RABGGTA: variants seen among roughly 807,000 people sequenced by gnomAD.
RABGGTA encodes the protein Rab geranylgeranyltransferase subunit alpha.
Under a neutral mutation model 83.3 loss-of-function variants are expected in RABGGTA, and 69 were observed. The ratio of observed to expected loss-of-function variants is 0.83; its 90% confidence interval spans 0.68 to 1.01. The LOEUF (loss-of-function observed/expected upper bound fraction) is 1.01, where lower values mean the gene tolerates loss of function less well. Among genes scored for constraint, RABGGTA ranks in the 50% least tolerant of loss-of-function variants. The probability of loss-of-function intolerance (pLI) is 0.00; values close to 1 mark genes in which losing one functional copy is unlikely to be tolerated. For missense variants in RABGGTA, 681 were observed against 712.7 expected, an observed-to-expected ratio of 0.96 and a Z score of 0.51; for synonymous variants, 310 against 299.8, an observed-to-expected ratio of 1.03 and a Z score of -0.35.
At chr14:24,266,302 TCA>T (rs1463817432) in intron 16 of RABGGTA, 126 bp downstream of exon 16, 1 of 833,874 alleles carries the variant, frequency 1.2e-6, no homozygotes, top group Non-Finnish European at 2.0e-6. Flanking sequence ...CCCCTTCAAC[TCA>T]CACTACAGAG....
rs199629422 is a variant in RABGGTA, at chr14:24,269,650, C to T, written c.472G>A (p.Val158Met). ...YRRFVATQAA[V>M]PPAEELAFTD... Reference sequence around the variant, plus strand: ...AAGGCTAGCTCTTCTGCAGGGGGCACGGCTGCCTGTGTGGCCACAAACCGC... The same window carrying T: ...AAGGCTAGCTCTTCTGCAGGGGGCATGGCTGCCTGTGTGGCCACAAACCGC... The change falls in exon 6 of 17, where the codon GTG (valine) becomes ATG (methionine). Residue 158 changes from valine to methionine, a missense_variant. This residue lies in a region of RABGGTA where 122 missense variants were observed against 118.9 expected (regional missense o/e 1.03). Coordinates refer to ENST00000216840, the MANE Select transcript of RABGGTA (RefSeq NM_182836.3). The T allele has an allele frequency of 8.4e-4, 1,348 of 1,613,746 alleles. 2 individuals are homozygous for T. The highest frequency in any genetic ancestry group is 1.0e-3 in the Non-Finnish European group (1,207 of 1,179,854).
chr14:24,266,982 G>A (rs913052118), intron 14 of RABGGTA, 93 bp from the exon 15 acceptor site: 51 of 913,310 alleles, frequency 5.6e-5, no homozygotes, highest in Admixed American at 3.6e-4. Context: ...TGCCCTCTGT[G>A]CCCCACAGGC....
In RABGGTA at chr14:24,268,758, G is replaced by T. The variant is rs1358024322; in HGVS notation, c.867C>A (p.Thr289=). The change falls in exon 9 of 17, where the codon ACC becomes ACA. Residue 289 remains threonine (T), a synonymous_variant. Transcript: ENST00000216840. ...GGCTGGGCCGGTTCCTGCCATCTGG[G>T]GTCCTCCACTCCACAATCAGGGGAG... The part of the protein sequence containing the change: ...DDSPLIVEWR[T]PDGRNRPSHV... 1.9e-6 allele frequency: 3 copies of T among 1,584,942 alleles called. No homozygotes were observed. The highest frequency in any genetic ancestry group is 2.3e-5 in the East Asian group (1 of 43,358).
chr14:24,268,554 C>G lies in RABGGTA; in HGVS notation c.966G>C (p.Trp322Cys), dbSNP rs1181652024. 6.2e-7 allele frequency: 1 copy of G among 1,613,898 alleles called. No homozygotes were observed. The highest frequency in any genetic ancestry group is 1.3e-5 in the African/African-American group (1 of 74,918). Residue 322 changes from tryptophan to cysteine, a missense_variant, in exon 10 of 17, where the codon TGG becomes TGC. Coordinates refer to ENST00000216840, the MANE Select transcript of RABGGTA (RefSeq NM_182836.3). ...QLPQHTFRVI[W>C]TAGDVQKECV... ...ATTCTTTCTGGACATCGCCTGCTGT[C>G]CAAATGACGCGAAATGTATGTTGGG...
At chr14:24,269,359 T>G in intron 6 of RABGGTA, 132 bp downstream of exon 6, 2 of 1,189,176 alleles carry the variant, frequency 1.7e-6, no homozygotes, top group South Asian at 2.8e-5. Flanking sequence ...GACTGATTCT[T>G]AAGCACCCCT....
chr14:24,271,037 G>A (rs2040942572), intron 2 of RABGGTA, 76 bp downstream of exon 2: 3 of 1,588,520 alleles, frequency 1.9e-6, no homozygotes, highest in East Asian at 2.3e-5. Flanking sequence ...AGGTTCATAC[G>A]GGGCAACCAT....
Position 24,269,141 on chromosome 14 carries a change from G to A in RABGGTA, c.654C>T (p.Ala218=). Residue 218 remains alanine (A), a synonymous_variant, in exon 7 of 17, where the codon GCC becomes GCT. Coordinates refer to ENST00000216840, the MANE Select transcript of RABGGTA (RefSeq NM_182836.3). ...TCTGGTCATTGGGGTCAGTGAAGAAGGCATTCTGCACCAGCTCCAGCTCTG... is the reference window on the plus strand; with the variant it reads ...TCTGGTCATTGGGGTCAGTGAAGAAAGCATTCTGCACCAGCTCCAGCTCTG... ...LLKELELVQN[A]FFTDPNDQSA... The A allele has an allele frequency of 6.2e-7, 1 of 1,611,994 alleles. No individual in the cohort carries two copies. Among genetic ancestry groups the A allele is most frequent in the Non-Finnish European group, 8.5e-7 (1 of 1,179,010 alleles).
At position 24,270,352 on chromosome 14, in the gene RABGGTA, T is replaced by C; in HGVS notation, c.221A>G (p.Gln74Arg). 6.2e-7 allele frequency: 1 copy of C among 1,610,934 alleles called. No homozygotes were observed. ...TACGCACTTCTGAGTCTCCAGCTGC[T>C]GGAGCACCTCTCGTCGGCAGTTCCA... ...TLWNCRREVL[Q>R]QLETQKSPEE... Residue 74 changes from glutamine (Q) to arginine (R), a missense_variant, in exon 4 of 17, where the codon CAG becomes CGG. Physicochemically the swap from Gln to Arg is conservative, Grantham distance 43. Transcript: ENST00000216840.
intron 13 of RABGGTA, 34 bp from the exon 14 acceptor site, chr14:24,267,810 C>T (rs2040892980): frequency 7.5e-6 from 12 of 1,610,346 alleles, no homozygotes; most frequent in African/African-American, 1.3e-5. Flanking sequence ...GTATGCATGT[C>T]AGCTGCCTGC....
intron 4 of RABGGTA, 89 bp from the exon 5 acceptor site, chr14:24,270,229 C>T (rs2040930139): frequency 1.3e-6 from 2 of 1,560,218 alleles, no homozygotes; most frequent in Non-Finnish European, 8.7e-7. Context: ...CCCCTACTAT[C>T]CTCCATCTAT....
At position 24,268,607 on chromosome 14, in the gene RABGGTA, G is replaced by A. The variant is rs2040903563; in HGVS notation, c.913C>T (p.Pro305Ser). ...RPSHVWLCDLPAASLNDQLPQ... is the reference protein window; with the variant it reads ...RPSHVWLCDLSAASLNDQLPQ... ...AACTGGTCGTTGAGGGAGGCAGCAGGCAGGTCACAGAGCTGGGAGTACTGG... is the reference window on the plus strand; with the variant it reads ...AACTGGTCGTTGAGGGAGGCAGCAGACAGGTCACAGAGCTGGGAGTACTGG... Residue 305 changes from proline (P) to serine (S), a missense_variant, in exon 10 of 17, where the codon CCT (proline) becomes TCT (serine). Pro to Ser is a moderately conservative substitution (Grantham distance 74). Coordinates refer to ENST00000216840, the MANE Select transcript of RABGGTA (RefSeq NM_182836.3). The A allele has an allele frequency of 1.2e-6, 2 of 1,613,792 alleles. No individual in the cohort carries two copies. Among genetic ancestry groups the A allele is most frequent in the African/African-American group, 1.3e-5 (1 of 74,934 alleles).
At position 24,267,735 on chromosome 14, in the gene RABGGTA, G is replaced by A. The variant is rs759996787; in HGVS notation, c.1278C>T (p.Arg426=). The A allele has an allele frequency of 6.2e-7, 1 of 1,612,048 alleles. No individual in the cohort carries two copies. ...PMRATYLDDL[R]SKFLLENSVL... is the part of the protein sequence containing the mutation. ...CGCTATTCTCCAGCAAGAACTTGCT[G>A]CGCAGGTCATCCAGATACGTTGCCC... is the stretch of plus-strand genomic sequence containing the variant. Residue 426 remains arginine, a synonymous_variant, in exon 14 of 17, where the codon CGC becomes CGT. Coordinates refer to ENST00000216840, the MANE Select transcript of RABGGTA (RefSeq NM_182836.3).
chr14:24,270,907 T>C lies in RABGGTA; in HGVS notation c.44A>G (p.Glu15Gly). 1 of 1,614,030 alleles carries C rather than the reference T, an allele frequency of 6.2e-7. No individual in the cohort carries two copies. The highest frequency in any genetic ancestry group is 8.5e-7 in the Non-Finnish European group (1 of 1,179,890). Residue 15 changes from glutamate to glycine, a missense_variant, in exon 3 of 17, where the codon GAG becomes GGG. Transcript: ENST00000216840. ...CTGCTCTCGCTCTAGCCTTTTGGCC[T>C]CCGCCTGCTCTTCTGACGTCTTCAC... ...LKVKTSEEQAEAKRLEREQKL... is the reference protein window; with the variant it reads ...LKVKTSEEQAGAKRLEREQKL...
chr14:24,266,956 G>A (rs754313907), intron 14 of RABGGTA, 67 bp from the exon 15 acceptor site: 5 of 1,171,028 alleles, frequency 4.3e-6, no homozygotes, highest in Non-Finnish European at 6.4e-6. Flanking sequence ...TCCTCGGCCA[G>A]CATTTATTAG....
intron 14 of RABGGTA, 26 bp from the exon 15 acceptor site, chr14:24,266,915 T>A: frequency 7.9e-6 from 12 of 1,526,744 alleles, no homozygotes; most frequent in Non-Finnish European, 1.1e-5. Flanking sequence ...AGGAAGGAGG[T>A]GATGGGCTTC....
intron 14 of RABGGTA, 26 bp from the exon 15 acceptor site, chr14:24,266,915 T>C (rs1008998500): frequency 3.3e-6 from 5 of 1,526,780 alleles, no homozygotes; most frequent in Non-Finnish European, 4.5e-6. Flanking sequence ...AGGAAGGAGG[T>C]GATGGGCTTC....
At chr14:24,265,802 C>T in intron 16 of RABGGTA, 39 bp from the exon 17 acceptor site, 1 of 1,562,902 alleles carries the variant, frequency 6.4e-7, no homozygotes, top group Non-Finnish European at 8.7e-7. Context: ...GCAGGTTCCT[C>T]CCAATTTATT....
At chr14:24,270,263 T>C in intron 4 of RABGGTA, 71 bp downstream of exon 4, 2 of 1,587,534 alleles carry the variant, frequency 1.3e-6, no homozygotes, top group African/African-American at 1.3e-5. Context: ...CCATTTCTCC[T>C]CCACCCCTAG....
chr14:24,267,885 G>GTAC lies in RABGGTA; in HGVS notation c.1218_1220dup (p.Gln406_Tyr407insTer). 6.2e-7 allele frequency: 1 copy of GTAC among 1,613,722 alleles called. No homozygotes were observed. Among genetic ancestry groups the GTAC allele is most frequent in the Non-Finnish European group, 8.5e-7 (1 of 1,179,798 alleles). ...CAGAACTTGCCTTGAGGGTCTGGAAGTACTGCAGGGTCTCCTTCTCATACA... is the reference window on the plus strand; with the variant it reads ...CAGAACTTGCCTTGAGGGTCTGGAAGTACTACTGCAGGGTCTCCTTCTCATACA... On this transcript the variant is annotated stop_gained, in exon 13 of 17. Coordinates refer to ENST00000216840, the MANE Select transcript of RABGGTA (RefSeq NM_182836.3). LOFTEE classifies it high-confidence loss of function.
Sources: gnomAD v4.1 joint callset for allele counts on GRCh38, gnomAD v4.1.1 for gene constraint, gnomAD v4.1.1 regional missense constraint, MANE v1.5 for transcripts, NCBI Gene and HGNC (gene_info 2026-07-23, HGNC 2026-07-21) for gene names.